Variants in NSMCE2 observed in about 807,000 individuals in gnomAD.
The protein encoded by NSMCE2 is NSE2 SUMO ligase component of SMC5/6 complex, also known as E3 SUMO-protein ligase NSE2.
Under a neutral mutation model 23.8 loss-of-function variants are expected in NSMCE2, and 24 were observed. That is an observed-to-expected ratio of 1.01 (90% CI 0.73 to 1.42). The LOEUF is 1.42. Ranked by LOEUF, NSMCE2 falls within the 40% of genes most tolerant of loss-of-function variation. The pLI, the probability that NSMCE2 is intolerant of heterozygous loss-of-function variation, is 0.00. For synonymous variants in NSMCE2, 92 were observed against 94.1 expected (o/e 0.98, Z 0.13); for missense variants, 284 against 296.5 (o/e 0.96, Z 0.31).
rs550464957 is a variant in NSMCE2, at chr8:125,295,261, T to G, written c.419-61958T>G. On this transcript the variant is annotated intron_variant, in intron 5 of 7. Coordinates refer to ENST00000287437, the MANE Select transcript of NSMCE2 (RefSeq NM_173685.4). The stretch of plus-strand genomic sequence containing the variant: ...TTCTGGGGCCCCTAATCTGGTGACC[T>G]TTGTGTTTCTGTCAAAGAAAGAAAA... 7.9e-5 allele frequency among the ~76,000 whole-genome samples: 12 copies of G among 152,274 alleles called. No homozygotes were observed. The East Asian group carries it at 2.3e-3, about 29-fold the overall frequency.
chr8:125,340,012 GTTTTTTTTT>G (rs752038710), intron 5 of NSMCE2, among the ~76,000 whole-genome samples: 2 of 102,828 alleles, frequency 1.9e-5, no homozygotes, highest in Non-Finnish European at 3.8e-5. Flanking sequence ...GTTTTTTTTT[GTTTTTTTTT>G]TTTTTTTTTT....
chr8:125,196,107 C>G (rs1032266682), intron 5 of NSMCE2, among the ~76,000 whole-genome samples: 4 of 151,642 alleles, frequency 2.6e-5, no homozygotes, highest in African/African-American at 9.7e-5. Context: ...TGGTCTCGAC[C>G]TCCTGACCTT....
chr8:125,271,560 G>A (rs760494670), intron 5 of NSMCE2, among the ~76,000 whole-genome samples: 3 of 152,164 alleles, frequency 2.0e-5, no homozygotes, highest in Admixed American at 6.6e-5. Flanking sequence ...GTCATCAAAG[G>A]CTGATTCAGT....
intron 5 of NSMCE2, among the ~76,000 whole-genome samples, chr8:125,287,264 A>G (rs1486071339): frequency 1.3e-5 from 2 of 152,156 alleles, no homozygotes; most frequent in Admixed American, 1.3e-4. Context: ...CCTGTTAGGT[A>G]GAGGTTGCAG....
At chr8:125,293,953 T>C (rs1464625608) in intron 5 of NSMCE2, among the ~76,000 whole-genome samples, 2 of 152,198 alleles carry the variant, frequency 1.3e-5, no homozygotes, top group African/African-American at 4.8e-5. Flanking sequence ...CCTGTATCTG[T>C]TAGCATTTAC....
chr8:125,310,333 C>A (rs1285351830), intron 5 of NSMCE2, among the ~76,000 whole-genome samples: 2 of 151,754 alleles, frequency 1.3e-5, no homozygotes, highest in African/African-American at 2.4e-5. Context: ...TTTTTTTAAT[C>A]CCTGAAATGG....
At chr8:125,129,544 CTGTGTGTGTGTGTGTGTGTGTGTG>C (rs10578122) in intron 3 of NSMCE2, among the ~76,000 whole-genome samples, 1 of 145,358 alleles carries the variant, frequency 6.9e-6, no homozygotes. Context: ...AGATTTGGCT[CTGTGTGTGTGTGTGTGTGTGTGTG>C]TGTGTGTGTG....
At chr8:125,120,664 A>G (rs920465982) in intron 3 of NSMCE2, among the ~76,000 whole-genome samples, 1 of 152,162 alleles carries the variant, frequency 6.6e-6, no homozygotes, top group Admixed American at 6.5e-5. Context: ...CCTGTCAGCA[A>G]TTGACCTTGG....
At chr8:125,226,511 T>C (rs1825102062) in intron 5 of NSMCE2, among the ~76,000 whole-genome samples, 1 of 152,162 alleles carries the variant, frequency 6.6e-6, no homozygotes, top group Non-Finnish European at 1.5e-5. Context: ...CCGGGATCAG[T>C]CAAGATCTCA....
intron 4 of NSMCE2, among the ~76,000 whole-genome samples, chr8:125,162,177 C>A (rs1821662590): frequency 6.6e-6 from 1 of 152,080 alleles, no homozygotes; most frequent in Non-Finnish European, 1.5e-5. Flanking sequence ...TATAGTTAGG[C>A]CATGTTTTGA....
intron 5 of NSMCE2, among the ~76,000 whole-genome samples, chr8:125,339,123 AC>A (rs1830155005): frequency 6.6e-6 from 1 of 152,116 alleles, no homozygotes; most frequent in Admixed American, 6.6e-5. Flanking sequence ...GGAGGAAGGG[AC>A]ACTGCTCTGC....
At chr8:125,153,415 C>G (rs1821148024) in intron 4 of NSMCE2, among the ~76,000 whole-genome samples, 1 of 152,148 alleles carries the variant, frequency 6.6e-6, no homozygotes, top group Non-Finnish European at 1.5e-5. Context: ...TAATAAATCA[C>G]AATTTCATAA....
chr8:125,132,787 C>T (rs1819839301), intron 3 of NSMCE2, among the ~76,000 whole-genome samples: 1 of 152,188 alleles, frequency 6.6e-6, no homozygotes, highest in Admixed American at 6.5e-5. Flanking sequence ...GAGCCACCCA[C>T]ACCCAGCCCA....
intron 5 of NSMCE2, among the ~76,000 whole-genome samples, chr8:125,216,232 C>T (rs192836616): frequency 2.6e-4 from 38 of 148,596 alleles, no homozygotes; most frequent in Middle Eastern, 6.9e-3. Context: ...TGGACATTTG[C>T]GTTTTCACCT....
intron 5 of NSMCE2, among the ~76,000 whole-genome samples, chr8:125,209,265 C>T (rs2130880952): frequency 6.6e-6 from 1 of 152,298 alleles, no homozygotes; most frequent in Non-Finnish European, 1.5e-5. Flanking sequence ...ATGTGTATCT[C>T]TGCTGACGAA....
In NSMCE2 at chr8:125,091,885, G is replaced by T. The variant is rs1817670857; in HGVS notation, c.-184G>T. 6.6e-6 allele frequency: 1 copy of T among 152,444 alleles called. No homozygotes were observed. Among genetic ancestry groups the T allele is most frequent in the African/African-American group, 2.4e-5 (1 of 41,480 alleles). 9.4% of individuals were successfully genotyped at this position (152,444 alleles called of 1,614,324 possible). Reference sequence around the variant, plus strand: ...CTCACTTTTCAGCGGCAGGCGAAGGGGGCTGAGGAAAGGAGGTGGGTCTAG... The same window carrying T: ...CTCACTTTTCAGCGGCAGGCGAAGGTGGCTGAGGAAAGGAGGTGGGTCTAG... On this transcript the variant is annotated 5_prime_UTR_variant, in exon 1 of 8. Transcript: ENST00000287437.
At chr8:125,260,137 C>G (rs1415368034) in intron 5 of NSMCE2, among the ~76,000 whole-genome samples, 1 of 152,164 alleles carries the variant, frequency 6.6e-6, no homozygotes, top group Non-Finnish European at 1.5e-5. Flanking sequence ...GGAACACACC[C>G]TACTACACGA....
intron 3 of NSMCE2, among the ~76,000 whole-genome samples, chr8:125,140,932 A>G (rs1008995513): frequency 6.6e-6 from 1 of 152,296 alleles, no homozygotes; most frequent in Non-Finnish European, 1.5e-5. Context: ...GACAAGAAAG[A>G]TGTGGAAAAA....
At chr8:125,117,419 G>A (rs1263789667) in intron 3 of NSMCE2, among the ~76,000 whole-genome samples, 1 of 152,140 alleles carries the variant, frequency 6.6e-6, no homozygotes, top group Non-Finnish European at 1.5e-5. Flanking sequence ...GTGTTTCCAA[G>A]TAAGTGTTCC....
Sources: allele counts gnomAD v4.1 joint callset (sites outside exome capture counted in the v4.1 genomes callset), GRCh38; gene constraint gnomAD v4.1.1; transcripts MANE v1.5; gene names NCBI Gene and HGNC (gene_info 2026-07-23, HGNC 2026-07-21).